The following GIPC2 variants were observed in gnomAD, a reference collection of about 807,000 sequenced individuals.
GIPC2 encodes PDZ domain-containing protein GIPC2.
A neutral mutation model predicts 30.6 loss-of-function variants in GIPC2; 30 were observed. That is an observed-to-expected ratio of 0.98 (90% confidence interval 0.73 to 1.33). The LOEUF (loss-of-function observed/expected upper bound fraction) is 1.33, where lower values mean the gene tolerates loss of function less well. Ranked by LOEUF, GIPC2 falls within the 40% of genes most tolerant of loss-of-function variation. GIPC2 has a pLI of 0.00. For synonymous variants in GIPC2, 167 were observed against 150.0 expected, an observed-to-expected ratio of 1.11 and a Z score of -0.83; for missense variants, 414 against 390.3, an observed-to-expected ratio of 1.06 and a Z score of -0.51.
intron 1 of GIPC2, among the ~76,000 whole-genome samples, chr1:78,060,590 GC>G (rs1398044829): frequency 1.3e-5 from 2 of 152,160 alleles, no homozygotes; most frequent in Non-Finnish European, 2.9e-5. Flanking sequence ...GTGATCTCTT[GC>G]TTTTGTGCTG....
chr1:78,110,150 C>T (rs919506309), intron 3 of GIPC2, among the ~76,000 whole-genome samples: 5 of 151,186 alleles, frequency 3.3e-5, no homozygotes, highest in East Asian at 1.9e-4. Flanking sequence ...CTAACCTGCA[C>T]GTTGTGCACA....
chr1:78,121,491 G>A (rs1345911660), intron 4 of GIPC2, among the ~76,000 whole-genome samples: 1 of 152,146 alleles, frequency 6.6e-6, no homozygotes, highest in Non-Finnish European at 1.5e-5. Context: ...GGTCATGGGG[G>A]TGGTTTGTTG....
At chr1:78,057,735 G>A (rs1355804649) in intron 1 of GIPC2, among the ~76,000 whole-genome samples, 1 of 152,180 alleles carries the variant, frequency 6.6e-6, no homozygotes, top group Non-Finnish European at 1.5e-5. Flanking sequence ...TTCTTCATTA[G>A]AAAACTTATT....
intron 1 of GIPC2, among the ~76,000 whole-genome samples, chr1:78,076,990 G>A (rs1297962023): frequency 6.6e-6 from 1 of 151,278 alleles, no homozygotes; most frequent in South Asian, 2.1e-4. Flanking sequence ...GGCTAGTCTC[G>A]AACTCCTGAC....
At chr1:78,105,001 A>C (rs1439757686) in intron 3 of GIPC2, among the ~76,000 whole-genome samples, 3 of 152,116 alleles carry the variant, frequency 2.0e-5, no homozygotes, top group Non-Finnish European at 2.9e-5. Flanking sequence ...ACTATGGGAG[A>C]AGATGAATAA....
chr1:78,053,914 C>G (rs985096013), intron 1 of GIPC2, among the ~76,000 whole-genome samples: 4 of 151,978 alleles, frequency 2.6e-5, no homozygotes, highest in Admixed American at 1.3e-4. Flanking sequence ...GGCAACAGAG[C>G]AAGACTGTCT....
intron 1 of GIPC2, among the ~76,000 whole-genome samples, chr1:78,062,560 T>A (rs1268706892): frequency 2.0e-5 from 3 of 151,048 alleles, no homozygotes; most frequent in African/African-American, 7.3e-5. Context: ...CAGACTGGAG[T>A]GCAGTGGCAC....
intron 1 of GIPC2, among the ~76,000 whole-genome samples, chr1:78,061,214 T>G (rs938828109): frequency 1.3e-5 from 2 of 152,240 alleles, no homozygotes; most frequent in Admixed American, 1.3e-4. Flanking sequence ...TAACCAAACG[T>G]GTTCCTTGAC....
chr1:78,118,931 C>T (rs1480949775), intron 3 of GIPC2, among the ~76,000 whole-genome samples: 2 of 152,152 alleles, frequency 1.3e-5, no homozygotes, highest in East Asian at 3.9e-4. Flanking sequence ...GGTAGATCCT[C>T]AAATAATAGT....
intron 4 of GIPC2, among the ~76,000 whole-genome samples, chr1:78,125,330 A>G (rs1662762237): frequency 6.6e-6 from 1 of 152,154 alleles, no homozygotes; most frequent in Admixed American, 6.5e-5. Context: ...ATGTGCTACC[A>G]CACCCAGCTA....
chr1:78,077,337 C>T (rs1376168795), intron 1 of GIPC2, among the ~76,000 whole-genome samples: 1 of 152,066 alleles, frequency 6.6e-6, no homozygotes, highest in Non-Finnish European at 1.5e-5. Context: ...GCTATTTCTT[C>T]TTACTTTTGT....
intron 2 of GIPC2, among the ~76,000 whole-genome samples, chr1:78,093,451 T>C (rs1012926451): frequency 6.6e-6 from 1 of 152,250 alleles, no homozygotes; most frequent in Admixed American, 6.5e-5. Flanking sequence ...CATTTGCATA[T>C]AGCATGTTAA....
At chr1:78,104,172 T>C (rs1188261267) in intron 3 of GIPC2, among the ~76,000 whole-genome samples, 2 of 126,070 alleles carry the variant, frequency 1.6e-5, no homozygotes, top group Non-Finnish European at 3.1e-5. Context: ...CAGTGGTGTG[T>C]AGAGGGGGGA....
rs538671957 is a variant in GIPC2 at position 78,058,722 on chromosome 1, C to T, written c.240+12388C>T. ...AGAAGTCCACTAAAAATTTAAATAT[C>T]CAAGAATCTTGGTGTTTATTATTCC... On this transcript the variant is annotated intron_variant, in intron 1 of 5. Coordinates refer to ENST00000370759, the MANE Select transcript of GIPC2 (RefSeq NM_017655.6). Among the ~76,000 whole-genome samples the T allele has an allele frequency of 9.9e-5, 15 of 152,242 alleles. No homozygotes were observed. In the South Asian group the frequency reaches 3.1e-3, roughly 32 times the overall value.
At chr1:78,100,712 T>C (rs963205225) in intron 3 of GIPC2, among the ~76,000 whole-genome samples, 1 of 151,992 alleles carries the variant, frequency 6.6e-6, no homozygotes, top group Non-Finnish European at 1.5e-5. Context: ...GGAGGGTCAC[T>C]TGAGGTCGGG....
chr1:78,084,069 A>C (rs532815114), intron 2 of GIPC2, among the ~76,000 whole-genome samples: 1 of 150,248 alleles, frequency 6.7e-6, no homozygotes, highest in South Asian at 2.1e-4. Flanking sequence ...GTGCTCATAC[A>C]CTGAAGTCAA....
intron 1 of GIPC2, among the ~76,000 whole-genome samples, chr1:78,068,298 C>A (rs1420078835): frequency 6.6e-6 from 1 of 152,184 alleles, no homozygotes; most frequent in Non-Finnish European, 1.5e-5. Flanking sequence ...ATTAAGTCTC[C>A]TAGAATCTTG....
intron 3 of GIPC2, among the ~76,000 whole-genome samples, chr1:78,096,491 G>GTTTT (rs200429118): frequency 7.4e-6 from 1 of 135,550 alleles, no homozygotes; most frequent in African/African-American, 2.7e-5. Context: ...AAATTTTTCT[G>GTTTT]TTTTTTTTTT....
rs555376606 is a variant in GIPC2 at position 78,116,552 on chromosome 1, G to A, written c.608-2841G>A. 2.0e-3 allele frequency among the ~76,000 whole-genome samples: 297 copies of A among 148,554 alleles called. 1 individual carries two copies. The highest frequency in any genetic ancestry group is 6.9e-3 in the Middle Eastern group (2 of 290). On this transcript the variant is annotated intron_variant, in intron 3 of 5. Coordinates refer to ENST00000370759, the MANE Select transcript of GIPC2 (RefSeq NM_017655.6). ...CCCGGTGTGTGATGTTCCCCTTCCTGTGTCCAAGTGTTCTCATTGTTCAAT... is the reference window on the plus strand; with the variant it reads ...CCCGGTGTGTGATGTTCCCCTTCCTATGTCCAAGTGTTCTCATTGTTCAAT...
Sources: gnomAD v4.1 joint callset for allele counts (sites outside exome capture counted in the v4.1 genomes callset) on GRCh38, gnomAD v4.1.1 for gene constraint, MANE v1.5 for transcripts, NCBI Gene and HGNC (gene_info 2026-07-23, HGNC 2026-07-21) for gene names.